TBCD: variants seen among roughly 807,000 people sequenced by gnomAD.
The protein encoded by TBCD is tubulin-specific chaperone D.
Under a neutral mutation model 169.3 loss-of-function variants are expected in TBCD, and 105 were observed. The observed-to-expected ratio is 0.62, with a 90% CI of 0.53 to 0.73. The LOEUF (loss-of-function observed/expected upper bound fraction) is 0.73, where lower values mean the gene tolerates loss of function less well. Ranked by LOEUF, TBCD falls within the 30% of genes least tolerant of loss-of-function variation. The pLI, the probability that TBCD is intolerant of heterozygous loss-of-function variation, is 0.00. For missense variants in TBCD, 1,444 were observed against 1,600.1 expected (o/e 0.90, Z 1.66); for synonymous variants, 700 against 643.9 (o/e 1.09, Z -1.32).
chr17:82,909,189 C>T, intron 21 of TBCD, 96 bp from the exon 22 acceptor site: 1 of 1,069,348 alleles, frequency 9.4e-7, no homozygotes, highest in Non-Finnish European at 1.4e-6. Context: ...GCATCTTCTG[C>T]CATTTTCTCT....
At chr17:82,921,400 A>G (rs2147152388) in intron 24 of TBCD, 101 bp from the exon 25 acceptor site, 1 of 949,050 alleles carries the variant, frequency 1.1e-6, no homozygotes, top group South Asian at 1.3e-5. Flanking sequence ...AAAGGTTACC[A>G]TCGACTTTAA....
rs2049511127 is a variant in TBCD at position 82,789,062 on chromosome 17, T to A, written c.771+7341T>A. 6.6e-6 allele frequency among the ~76,000 whole-genome samples: 1 copy of A among 152,222 alleles called. No homozygotes were observed. Among genetic ancestry groups the A allele is most frequent in the Non-Finnish European group, 1.5e-5 (1 of 68,032 alleles). On this transcript the variant is annotated intron_variant, in intron 7 of 38. Coordinates refer to ENST00000355528, the MANE Select transcript of TBCD (RefSeq NM_005993.5). This position sits in a 1 kb window ranked among gnomAD's most constrained non-coding sequence, Gnocchi z 4.8. Reference sequence around the variant, plus strand: ...CCCACGTGGTCCTTTTTAGTTGTAGTGCTCTCTTGGGGCAAGGTTTTGGAT... The same window carrying A: ...CCCACGTGGTCCTTTTTAGTTGTAGAGCTCTCTTGGGGCAAGGTTTTGGAT...
At chr17:82,918,006 A>G (rs978804827) in intron 23 of TBCD, among the ~76,000 whole-genome samples, 1 of 152,216 alleles carries the variant, frequency 6.6e-6, no homozygotes, top group Non-Finnish European at 1.5e-5. Flanking sequence ...TGCGTTATCT[A>G]GTCTGTTAGT....
intron 7 of TBCD, among the ~76,000 whole-genome samples, chr17:82,783,315 G>C (rs766104845): frequency 5.9e-5 from 9 of 152,174 alleles, no homozygotes; most frequent in Non-Finnish European, 1.2e-4. Flanking sequence ...GTTTTCTTCA[G>C]GCGTCCCCTC....
chr17:82,871,723 T>TGCCCCGCAC (rs1012432400), intron 14 of TBCD, among the ~76,000 whole-genome samples: 2 of 152,188 alleles, frequency 1.3e-5, no homozygotes, highest in African/African-American at 2.4e-5. Context: ...GGGTCCCCTC[T>TGCCCCGCAC]GCCCCGCACG....
At chr17:82,860,539 A>G in intron 13 of TBCD, 1 of 783,530 alleles carries the variant, frequency 1.3e-6, no homozygotes, top group Non-Finnish European at 1.5e-6. Flanking sequence ...TTGAAAAGAA[A>G]GTTCTAGCTT....
Position 82,903,466 on chromosome 17 carries a change from A to G in TBCD, c.1792A>G (p.Ser598Gly). Residue 598 changes from serine (S) to glycine (G), a missense_variant, in exon 19 of 39, where the codon AGC becomes GGC. Transcript: ENST00000355528. This position sits in a 1 kb window ranked among gnomAD's most constrained non-coding sequence, Gnocchi z 4.8. ...HNLAQQAPEF[S>G]ATQVFPRLLS... is the part of the protein sequence containing the mutation. ...CCTGGCCCAGCAGGCACCCGAGTTC[A>G]GCGCCACGCAAGGTGGGTGTGTGTC... 1 of 1,595,846 alleles carries G rather than the reference A, an allele frequency of 6.3e-7. No homozygotes were observed. The highest frequency in any genetic ancestry group is 8.5e-7 in the Non-Finnish European group (1 of 1,171,248).
intron 14 of TBCD, among the ~76,000 whole-genome samples, chr17:82,882,553 C>G (rs892257440): frequency 6.6e-6 from 1 of 152,196 alleles, no homozygotes; most frequent in Admixed American, 6.5e-5. Flanking sequence ...GAGAGAGGAG[C>G]GCAGAGAACA....
chr17:82,802,520 C>T (rs1435933379), intron 9 of TBCD, among the ~76,000 whole-genome samples: 1 of 152,156 alleles, frequency 6.6e-6, no homozygotes, highest in Non-Finnish European at 1.5e-5. Context: ...GTGTGTGTGT[C>T]GGCGAGGCTG....
intron 5 of TBCD, among the ~76,000 whole-genome samples, chr17:82,770,124 T>C (rs1394279526): frequency 6.6e-6 from 1 of 152,202 alleles, no homozygotes; most frequent in African/African-American, 2.4e-5. Context: ...GGCTCAGCAT[T>C]GCCCCATGAC....
chr17:82,918,997 C>T (rs556898095), intron 23 of TBCD, among the ~76,000 whole-genome samples: 5 of 152,258 alleles, frequency 3.3e-5, no homozygotes, highest in South Asian at 4.1e-4. Context: ...TAATAACTTA[C>T]GCATAAAAAC....
chr17:82,875,850 G>C (rs1453228679), intron 14 of TBCD, among the ~76,000 whole-genome samples: 1 of 152,180 alleles, frequency 6.6e-6, no homozygotes, highest in East Asian at 1.9e-4. Context: ...CGTCAGCTCA[G>C]GTGTGACTCG....
At chr17:82,885,599 G>A (rs1314348715) in intron 15 of TBCD, among the ~76,000 whole-genome samples, 2 of 152,122 alleles carry the variant, frequency 1.3e-5, no homozygotes. Flanking sequence ...GGCAGTAAAT[G>A]TAAGACTTTG....
In TBCD at chr17:82,770,727, C is replaced by T. The variant is rs1464060716; in HGVS notation, c.583-1725C>T. ...TCTGTGATTGCCGTTAGAAAGCCTGCCCCGGAGGCCGGGCACGGTGGCTCA... is the reference window on the plus strand; with the variant it reads ...TCTGTGATTGCCGTTAGAAAGCCTGTCCCGGAGGCCGGGCACGGTGGCTCA... On this transcript the variant is annotated intron_variant, in intron 5 of 38. Transcript: ENST00000355528. 2.6e-5 allele frequency among the ~76,000 whole-genome samples: 4 copies of T among 151,526 alleles called. No individual in the cohort carries two copies. In the South Asian group the frequency reaches 8.3e-4, roughly 32 times the overall value.
In TBCD at chr17:82,944,121, T is replaced by G. The variant is rs2063509286; in HGVS notation, c.*1658T>G. ...TGTTCTTAGTGCAATTAAAAGAAGA[T>G]TCCAGATAAATGGCATTTTAAGACA... On this transcript the variant is annotated 3_prime_UTR_variant, in exon 39 of 39. Transcript: ENST00000355528. 1 of 152,242 alleles carries G rather than the reference T, an allele frequency of 6.6e-6. No homozygotes were observed. Among genetic ancestry groups the G allele is most frequent in the East Asian group, 1.9e-4 (1 of 5,202 alleles). 9.4% of individuals were successfully genotyped at this position (152,242 alleles called of 1,614,324 possible). A position where few individuals can be genotyped will look rare whatever the true frequency, so the allele number is the denominator to read the frequency against.
intron 33 of TBCD, chr17:82,931,926 C>T (rs1350322119): frequency 6.6e-6 from 1 of 152,570 alleles, no homozygotes; most frequent in Non-Finnish European, 1.5e-5. Flanking sequence ...AGGTCACTCT[C>T]ACTGGCGCGT....
chr17:82,809,806 C>A (rs759642577), intron 12 of TBCD, 24 bp downstream of exon 12: 6 of 1,609,174 alleles, frequency 3.7e-6, no homozygotes, highest in Middle Eastern at 1.7e-4. Flanking sequence ...GCAGGGGAGG[C>A]GTGTGGGCCT....
At chr17:82,938,002 C>T (rs575341881) in intron 35 of TBCD, 47 bp from the exon 36 acceptor site, 3 of 1,605,508 alleles carry the variant, frequency 1.9e-6, no homozygotes, top group South Asian at 2.2e-5. Flanking sequence ...CTGGGGTTGG[C>T]CTGCGCGGGG....
Position 82,771,146 on chromosome 17 carries a change from C to G in TBCD, c.583-1306C>G, listed in dbSNP as rs1189460522. Among the ~76,000 whole-genome samples the G allele has an allele frequency of 2.0e-5, 3 of 150,294 alleles. No homozygotes were observed. The Admixed American group carries it at 2.0e-4, about 10-fold the overall frequency. On this transcript the variant is annotated intron_variant, in intron 5 of 38. Transcript: ENST00000355528. ...AACAAACAAACAAAAAAAACCGAGA[C>G]AAGCATTGGAAACATTTTAAGGCAG...
Sources: gnomAD v4.1 joint callset for allele counts (sites outside exome capture counted in the v4.1 genomes callset) on GRCh38, gnomAD v4.1.1 for gene constraint, Gnocchi (gnomAD v3.1) non-coding constraint, MANE v1.5 for transcripts, NCBI Gene and HGNC (gene_info 2026-07-23, HGNC 2026-07-21) for gene names.